The following FAM114A1 variants were observed in gnomAD, a reference collection of about 807,000 sequenced individuals.
FAM114A1 encodes the protein family with sequence similarity 114 member A1.
In FAM114A1, 62 loss-of-function variants were observed where a neutral mutation model predicts 64.3. That is an observed-to-expected ratio of 0.96 (90% confidence interval 0.79 to 1.19). The LOEUF (loss-of-function observed/expected upper bound fraction) is 1.19. FAM114A1 is among the 50% of genes most tolerant of loss of function. The pLI is 0.00. For synonymous variants in FAM114A1, 254 were observed against 251.1 expected (o/e 1.01, Z -0.11); for missense variants, 645 against 676.3 (o/e 0.95, Z 0.51).
intron 2 of FAM114A1, among the ~76,000 whole-genome samples, chr4:38,869,651 A>G (rs540958701): frequency 1.3e-5 from 2 of 152,248 alleles, no homozygotes; most frequent in East Asian, 1.9e-4. Flanking sequence ...ACAAACTGCT[A>G]CAACCTGATT....
At chr4:38,920,798 G>A (rs146477733) in intron 8 of FAM114A1, among the ~76,000 whole-genome samples, 41 of 152,320 alleles carry the variant, frequency 2.7e-4, no homozygotes, top group African/African-American at 7.2e-4. Flanking sequence ...ATGAGTGTGC[G>A]AGCTGAAATG....
intron 13 of FAM114A1, 86 bp downstream of exon 13, chr4:38,935,876 T>A (rs766045662): frequency 3.1e-5 from 29 of 949,214 alleles, no homozygotes; most frequent in Non-Finnish European, 4.7e-5. Flanking sequence ...CCTTCTTTAG[T>A]AGCTCCATAA....
At chr4:38,937,582 G>T (rs1721215311) in intron 13 of FAM114A1, among the ~76,000 whole-genome samples, 1 of 152,138 alleles carries the variant, frequency 6.6e-6, no homozygotes, top group Admixed American at 6.5e-5. Context: ...TGGGGGTTAG[G>T]ACTTCAATAT....
At chr4:38,940,911 G>T in intron 13 of FAM114A1, 57 bp from the exon 14 acceptor site, 2 of 1,559,676 alleles carry the variant, frequency 1.3e-6, no homozygotes, top group Non-Finnish European at 1.8e-6. Context: ...CATTTTACGT[G>T]GCAAGCCTTG....
At chr4:38,929,388 G>C (rs770139256) in intron 10 of FAM114A1, 55 bp downstream of exon 10, 41 of 1,333,400 alleles carry the variant, frequency 3.1e-5, no homozygotes, top group Non-Finnish European at 3.8e-5. Context: ...GCAGGGGAGA[G>C]TCTCTGTTGT....
intron 2 of FAM114A1, among the ~76,000 whole-genome samples, chr4:38,870,217 C>G (rs1302914438): frequency 6.6e-6 from 1 of 152,212 alleles, no homozygotes; most frequent in Non-Finnish European, 1.5e-5. Flanking sequence ...CTCTCAGACA[C>G]CTGTCCTGAA....
intron 4 of FAM114A1, among the ~76,000 whole-genome samples, chr4:38,895,068 T>C (rs1324917041): frequency 6.6e-6 from 1 of 152,196 alleles, no homozygotes; most frequent in Non-Finnish European, 1.5e-5. Context: ...TGGCTCAACA[T>C]AGACCACAGA....
chr4:38,928,979 T>A, intron 9 of FAM114A1: 1 of 456,452 alleles, frequency 2.2e-6, no homozygotes, highest in Admixed American at 3.4e-5. Flanking sequence ...CCCTGACCTC[T>A]TGTTGCCTTT....
At chr4:38,877,964 C>CA (rs34317975) in intron 2 of FAM114A1, 107 bp from the exon 3 acceptor site, 181,211 of 802,410 alleles carry the variant, frequency 0.23, 6,129 homozygotes, top group East Asian at 0.4. Flanking sequence ...AACTCCGTCT[C>CA]AAAAAAAAAA....
At chr4:38,937,687 C>T (rs143861523) in intron 13 of FAM114A1, among the ~76,000 whole-genome samples, 165 of 152,180 alleles carry the variant, frequency 1.1e-3, no homozygotes, top group Non-Finnish European at 2.0e-3. Flanking sequence ...ATGAAAGGCA[C>T]TGGGGGAAAT....
chr4:38,929,258 A>C lies in FAM114A1; in HGVS notation c.1086A>C (p.Gly362=). 1.9e-6 allele frequency: 3 copies of C among 1,613,518 alleles called. No homozygotes were observed. The highest frequency in any genetic ancestry group is 2.5e-6 in the Non-Finnish European group (3 of 1,179,502). The change falls in exon 10 of 15, where the codon GGA becomes GGC. Residue 362 remains glycine, a synonymous_variant. Coordinates refer to ENST00000358869, the MANE Select transcript of FAM114A1 (RefSeq NM_138389.4). The part of the protein sequence containing the change: ...NQEEQGLEEK[G]EEFARMLTEL... ...TATTTCTAGGCTTAGAAGAAAAGGGAGAAGAATTTGCTCGCATGCTTACAG... is the reference window on the plus strand; with the variant it reads ...TATTTCTAGGCTTAGAAGAAAAGGGCGAAGAATTTGCTCGCATGCTTACAG...
chr4:38,931,757 A>AGGGTTTCACCATGT, intron 11 of FAM114A1, 145 bp downstream of exon 11: 2 of 762,836 alleles, frequency 2.6e-6, no homozygotes, highest in Non-Finnish European at 4.0e-6. Flanking sequence ...CCTGGCCAAC[A>AGGGTTTCACCATGT]TGGTGAAACC....
chr4:38,869,986 T>G (rs2109507848), intron 2 of FAM114A1, among the ~76,000 whole-genome samples: 1 of 152,328 alleles, frequency 6.6e-6, no homozygotes, highest in South Asian at 2.1e-4. Flanking sequence ...GCCCCAGTCC[T>G]GCAGGTGGAG....
chr4:38,880,681 A>C (rs1560288688), intron 3 of FAM114A1, among the ~76,000 whole-genome samples: 1 of 152,210 alleles, frequency 6.6e-6, no homozygotes, highest in South Asian at 2.1e-4. Flanking sequence ...TGTCTGTCTC[A>C]TGTAGGGAGC....
chr4:38,883,044 T>C (rs1460847183), intron 3 of FAM114A1, among the ~76,000 whole-genome samples: 3 of 152,250 alleles, frequency 2.0e-5, no homozygotes, highest in African/African-American at 7.2e-5. Flanking sequence ...GAATTGAGCC[T>C]TCTCCTGTAG....
chr4:38,910,830 G>A (rs904029495), intron 7 of FAM114A1, among the ~76,000 whole-genome samples: 8 of 152,332 alleles, frequency 5.3e-5, no homozygotes, highest in Admixed American at 3.9e-4. Context: ...GGCTCCGGGC[G>A]AGAGCTGTTG....
At chr4:38,882,318 C>CAAAA (rs56370212) in intron 3 of FAM114A1, among the ~76,000 whole-genome samples, 3 of 48,774 alleles carry the variant, frequency 6.2e-5, no homozygotes, top group African/African-American at 2.8e-4. Context: ...GACTCCGTCT[C>CAAAA]AAAAAAAAAA....
chr4:38,931,139 A>G (rs1054321490), intron 10 of FAM114A1, among the ~76,000 whole-genome samples: 12 of 152,190 alleles, frequency 7.9e-5, no homozygotes, highest in African/African-American at 2.9e-4. Context: ...AAAATATACC[A>G]TAGATTTTTC....
intron 4 of FAM114A1, among the ~76,000 whole-genome samples, chr4:38,897,866 A>G (rs1464442872): frequency 6.6e-6 from 1 of 151,728 alleles, no homozygotes. Context: ...GAATCGCTTG[A>G]GCCTGGGAGA....
Sources: gnomAD v4.1 joint callset for allele counts (sites outside exome capture counted in the v4.1 genomes callset) on GRCh38, gnomAD v4.1.1 for gene constraint, MANE v1.5 for transcripts, NCBI Gene and HGNC (gene_info 2026-07-23, HGNC 2026-07-21) for gene names.